Variants in MTMR10 observed in about 807,000 individuals in gnomAD.
MTMR10 encodes the protein myotubularin related protein 10.
MTMR10 carries 56 observed loss-of-function variants against 88.1 expected under a neutral mutation model. The observed-to-expected ratio is 0.64, with a 90% CI of 0.51 to 0.79. The LOEUF is 0.79. MTMR10 is among the 30% of genes least tolerant of loss of function. MTMR10 has a pLI of 0.00. For missense variants in MTMR10, 883 were observed against 924.7 expected (o/e 0.95, Z 0.58); for synonymous variants, 380 against 340.9 (o/e 1.11, Z -1.26).
At chr15:30,952,937 G>A (rs1038916325) in intron 11 of MTMR10, among the ~76,000 whole-genome samples, 9 of 151,888 alleles carry the variant, frequency 5.9e-5, no homozygotes, top group South Asian at 2.1e-4. Flanking sequence ...CTACAGGTGC[G>A]TGCCACCATG....
intron 5 of MTMR10, among the ~76,000 whole-genome samples, chr15:30,971,786 G>A (rs2063541350): frequency 6.6e-6 from 1 of 152,098 alleles, no homozygotes; most frequent in Non-Finnish European, 1.5e-5. Flanking sequence ...GTTGCTATGA[G>A]GTTAGATGTC....
Position 30,991,305 on chromosome 15 carries a change from G to A in MTMR10, c.60+142C>T. 4 of 840,496 alleles carry A rather than the reference G, an allele frequency of 4.8e-6. No homozygotes were observed. In the South Asian group the frequency reaches 1.1e-4, roughly 23 times the overall value. The allele number at this position is 840,496 out of a possible 1,614,324, so 52.1% of individuals were successfully genotyped here. A position where few individuals can be genotyped will look rare whatever the true frequency, so the allele number is the denominator to read the frequency against. ...GGCTCCCGAGAAGGCGCATTTCGCG[G>A]CGCCGGGAATCAGGCAGCCGCGCTG... On this transcript the variant is annotated intron_variant, in intron 1 of 15. Transcript: ENST00000435680.
chr15:30,976,910 G>A lies in MTMR10; in HGVS notation c.167C>T (p.Ala56Val), dbSNP rs748144187. The stretch of plus-strand genomic sequence containing the variant: ...CAAATCGTACTGGCTTGTGTCTGTT[G>A]CAATGCATTTTCTCACAAAATTGAC... Reference protein sequence around the residue: ...NEVNFVRKCIATDTSQYDLWG... With the variant: ...NEVNFVRKCIVTDTSQYDLWG... The change falls in exon 3 of 16, where the codon GCA (alanine) becomes GTA (valine). Residue 56 changes from alanine to valine, a missense_variant. Around this residue, in one of 3 missense-constraint regions of MTMR10, gnomAD observed 414 missense variants for 423.2 expected, o/e 0.98. Transcript: ENST00000435680. 1 of 1,613,566 alleles carries A rather than the reference G, an allele frequency of 6.2e-7. No individual in the cohort carries two copies.
In MTMR10 at chr15:30,939,169, C is replaced by CAAATT. The variant is rs1373463145; in HGVS notation, c.*2296_*2300dup. 8.1e-6 allele frequency: 8 copies of CAAATT among 985,256 alleles called. No individual in the cohort carries two copies. The African/African-American group carries it at 1.4e-4, about 17-fold the overall frequency. 61.0% of individuals were successfully genotyped at this position (985,256 alleles called of 1,614,324 possible). ...GAACAGCTTTCACCCTCTGTTAGTA[C>CAAATT]AAATTAATATCCTTTCCTTAAATAA... On this transcript the variant is annotated 3_prime_UTR_variant, in exon 16 of 16. Transcript: ENST00000435680.
chr15:30,977,580 A>C (rs73366598), intron 2 of MTMR10, among the ~76,000 whole-genome samples: 3,595 of 152,094 alleles, frequency 0.024, 136 homozygotes, highest in African/African-American at 0.083. Context: ...ACTTTTCTAC[A>C]ATTTATTTAA....
Position 30,939,018 on chromosome 15 carries a change from C to A in MTMR10, c.*2452G>T. On this transcript the variant is annotated 3_prime_UTR_variant, in exon 16 of 16. Transcript: ENST00000435680. ...ACTGTTGAACAACAAGATAACACAT[C>A]TTCTTGCTCATCCCACTTGAACTCA... The A allele has an allele frequency of 1.0e-6, 1 of 985,316 alleles. No homozygotes were observed. Among genetic ancestry groups the A allele is most frequent in the Non-Finnish European group, 1.2e-6 (1 of 829,854 alleles). 61.0% of individuals were successfully genotyped at this position (985,316 alleles called of 1,614,324 possible).
the MTMR10 span, among the ~76,000 whole-genome samples, chr15:30,920,090 A>G: frequency 6.6e-6 from 1 of 152,242 alleles, no homozygotes; most frequent in Non-Finnish European, 1.5e-5. Flanking sequence ...TTAGTGCAAA[A>G]GCAGCCACAA....
At chr15:30,990,731 A>C in intron 2 of MTMR10, 46 bp downstream of exon 2, 3 of 1,533,692 alleles carry the variant, frequency 2.0e-6, no homozygotes, top group Non-Finnish European at 2.7e-6. Flanking sequence ...ATCTTAAACC[A>C]AAATACGTTG....
intron 13 of MTMR10, 104 bp downstream of exon 13, chr15:30,948,198 G>T: frequency 1.9e-6 from 2 of 1,059,714 alleles, no homozygotes; most frequent in Non-Finnish European, 1.3e-6. Context: ...AAATTAAGTT[G>T]TACTAAATAC....
chr15:30,961,210 T>C, intron 6 of MTMR10, 137 bp from the exon 7 acceptor site: 1 of 1,190,924 alleles, frequency 8.4e-7, no homozygotes, highest in South Asian at 2.0e-5. Flanking sequence ...CTCCGAGAAC[T>C]GTCTTGCCCT....
chr15:30,947,227 G>T lies in MTMR10; in HGVS notation c.1451C>A (p.Ser484Tyr). 6.2e-7 allele frequency: 1 copy of T among 1,613,976 alleles called. No homozygotes were observed. Among genetic ancestry groups the T allele is most frequent in the Non-Finnish European group, 8.5e-7 (1 of 1,179,888 alleles). Residue 484 changes from serine (S) to tyrosine (Y), a missense_variant, in exon 14 of 16, where the codon TCC (serine) becomes TAC (tyrosine). Ser to Tyr is a moderately radical substitution (Grantham distance 144). Transcript: ENST00000435680. ...ATACAACACTGCCAGGTAGGTTTCG[G>T]AGAACTCAAAAGCTGCAGGATATTG... ...LEQYPAAFEF[S>Y]ETYLAVLYDS...
At position 30,959,026 on chromosome 15, in the gene MTMR10, T is replaced by TGC; in HGVS notation, c.846+7_846+8insGC. 1 of 1,613,540 alleles carries TGC rather than the reference T, an allele frequency of 6.2e-7. No homozygotes were observed. Among genetic ancestry groups the TGC allele is most frequent in the South Asian group, 1.1e-5 (1 of 91,070 alleles). On this transcript the variant is annotated splice_region_variant and intron_variant, in intron 8 of 15. Coordinates refer to ENST00000435680, the MANE Select transcript of MTMR10 (RefSeq NM_017762.3). ...CAGCATTCATAAAATCCAACAGAAA[T>TGC]CACTTACTGGCATCCTTCTCCCAAC...
intron 14 of MTMR10, chr15:30,946,595 C>T (rs1479756513): frequency 2.7e-5 from 17 of 623,524 alleles, no homozygotes; most frequent in East Asian, 1.9e-4. Context: ...ATGGTCTCCA[C>T]GGCATTTGTC....
At chr15:30,963,624 G>A (rs917782832) in intron 6 of MTMR10, among the ~76,000 whole-genome samples, 2 of 114,828 alleles carry the variant, frequency 1.7e-5, no homozygotes, top group African/African-American at 3.1e-5. Flanking sequence ...GCGACACAGC[G>A]AGACTCTGTC....
chr15:30,926,090 C>T, the MTMR10 span: 3 of 765,792 alleles, frequency 3.9e-6, no homozygotes, highest in East Asian at 2.5e-5. Context: ...CCTATTCTTC[C>T]CCTTATCAAT....
the MTMR10 span, chr15:30,927,919 T>G: frequency 1.0e-6 from 1 of 985,556 alleles, no homozygotes; most frequent in African/African-American, 1.7e-5. Flanking sequence ...CATCTCCCAG[T>G]CAGTAAAACA....
In MTMR10 at chr15:30,939,289, C is replaced by T. The variant is rs2062957659; in HGVS notation, c.*2181G>A. 1.0e-6 allele frequency: 1 copy of T among 985,332 alleles called. No individual in the cohort carries two copies. Among genetic ancestry groups the T allele is most frequent in the Non-Finnish European group, 1.2e-6 (1 of 829,946 alleles). The allele number at this position is 985,332 out of a possible 1,614,324, so 61.0% of individuals were successfully genotyped here. On this transcript the variant is annotated 3_prime_UTR_variant, in exon 16 of 16. Coordinates refer to ENST00000435680, the MANE Select transcript of MTMR10 (RefSeq NM_017762.3). ...TTACGTTCAATACTAGAAATTTCAC[C>T]CAGTGCATCAGCATCTGTGCGGCAT...
At chr15:30,946,874 G>C in intron 14 of MTMR10, 1 of 616,052 alleles carries the variant, frequency 1.6e-6, no homozygotes, top group Non-Finnish European at 2.9e-6. Context: ...ATTTAAGGTG[G>C]TTAAAGTAAT....
the MTMR10 span, chr15:30,927,423 C>G: frequency 2.0e-6 from 2 of 985,628 alleles, no homozygotes; most frequent in Non-Finnish European, 2.4e-6. Context: ...TTTTGAATCC[C>G]TGAGACGGGC....
Sources: allele counts gnomAD v4.1 joint callset (sites outside exome capture counted in the v4.1 genomes callset), GRCh38; gene constraint gnomAD v4.1.1; regional missense constraint gnomAD v4.1.1; transcripts MANE v1.5; gene names NCBI Gene and HGNC (gene_info 2026-07-23, HGNC 2026-07-21).